The following MSRA variants were observed in gnomAD, a reference collection of about 807,000 sequenced individuals.
MSRA encodes the protein mitochondrial peptide methionine sulfoxide reductase.
MSRA carries 54 observed loss-of-function variants against 31.3 expected under a neutral mutation model. The observed-to-expected ratio is 1.73, with a 90% CI of 1.39 to 2.17. The LOEUF is 2.17. MSRA is among the 30% of genes most tolerant of loss of function. The pLI, the probability that MSRA is intolerant of heterozygous loss-of-function variation, is 0.00. For missense variants in MSRA, 507 were observed against 300.9 expected, an observed-to-expected ratio of 1.69 and a Z score of -5.07; for synonymous variants, 169 against 116.5, an observed-to-expected ratio of 1.45 and a Z score of -2.90.
chr8:10,225,646 CTTCT>C (rs1810933980), intron 2 of MSRA, among the ~76,000 whole-genome samples: 1 of 152,182 alleles, frequency 6.6e-6, no homozygotes, highest in Non-Finnish European at 1.5e-5. Context: ...CTTCTGAAAA[CTTCT>C]TTGGGCTTTA....
At chr8:10,183,111 C>G (rs1372230236) in intron 1 of MSRA, among the ~76,000 whole-genome samples, 3 of 152,156 alleles carry the variant, frequency 2.0e-5, no homozygotes, top group African/African-American at 7.2e-5. Flanking sequence ...CATGTTATAG[C>G]TTAGTTTATC....
At chr8:10,420,997 C>T (rs879267982) in intron 5 of MSRA, among the ~76,000 whole-genome samples, 1 of 151,948 alleles carries the variant, frequency 6.6e-6, no homozygotes, top group South Asian at 2.1e-4. Context: ...ACCCTGTCTC[C>T]AAAAACAAAC....
chr8:10,352,452 G>A (rs1449155589), intron 5 of MSRA, among the ~76,000 whole-genome samples: 1 of 152,128 alleles, frequency 6.6e-6, no homozygotes, highest in Non-Finnish European at 1.5e-5. Context: ...GAGGAGGCAG[G>A]GAGGGCAGAA....
chr8:10,128,568 C>G (rs1476771731), intron 1 of MSRA, among the ~76,000 whole-genome samples: 1 of 152,084 alleles, frequency 6.6e-6, no homozygotes, highest in East Asian at 1.9e-4. Flanking sequence ...TGTAGGCTCA[C>G]TAGTAGCCCA....
At chr8:10,122,742 T>A (rs1225324350) in intron 1 of MSRA, among the ~76,000 whole-genome samples, 1 of 152,174 alleles carries the variant, frequency 6.6e-6, no homozygotes, top group African/African-American at 2.4e-5. Context: ...TGTGTCCATG[T>A]GTTCACATCA....
At chr8:10,179,560 T>C (rs779602498) in intron 1 of MSRA, among the ~76,000 whole-genome samples, 2 of 152,250 alleles carry the variant, frequency 1.3e-5, no homozygotes, top group Non-Finnish European at 2.9e-5. Flanking sequence ...TTCTCCCTAA[T>C]GTCTGGCAAG....
chr8:10,058,670 CT>C (rs1185807022), intron 1 of MSRA, among the ~76,000 whole-genome samples: 2 of 152,216 alleles, frequency 1.3e-5, no homozygotes, highest in African/African-American at 4.8e-5. Context: ...CCATTTTAGG[CT>C]TAATGAAGAA....
chr8:10,088,157 T>C (rs73528908), intron 1 of MSRA, among the ~76,000 whole-genome samples: 7,396 of 152,276 alleles, frequency 0.049, 258 homozygotes, highest in South Asian at 0.11. Flanking sequence ...AAGAGACTTC[T>C]GTTAAGTCTG....
At chr8:10,247,329 CA>C (rs1293327228) in intron 3 of MSRA, among the ~76,000 whole-genome samples, 1 of 152,162 alleles carries the variant, frequency 6.6e-6, no homozygotes, top group African/African-American at 2.4e-5. Context: ...GCTCTCAGCT[CA>C]AAGTCTATGC....
chr8:10,227,919 G>A (rs1488623408), intron 2 of MSRA, among the ~76,000 whole-genome samples: 1 of 152,158 alleles, frequency 6.6e-6, no homozygotes, highest in Non-Finnish European at 1.5e-5. Flanking sequence ...GAAAAGTAAA[G>A]AGCACAGAAG....
intron 4 of MSRA, among the ~76,000 whole-genome samples, chr8:10,318,446 C>A (rs918316132): frequency 1.3e-5 from 2 of 152,138 alleles, no homozygotes; most frequent in African/African-American, 4.8e-5. Flanking sequence ...TCTGTAGCCT[C>A]TAGAGTGTGG....
chr8:10,175,572 C>G (rs1043420159), intron 1 of MSRA, among the ~76,000 whole-genome samples: 1 of 152,196 alleles, frequency 6.6e-6, no homozygotes, highest in African/African-American at 2.4e-5. Context: ...GTTAAAATGA[C>G]TATCTTGAAT....
intron 3 of MSRA, among the ~76,000 whole-genome samples, chr8:10,289,910 T>A (rs1800141600): frequency 6.6e-6 from 1 of 152,224 alleles, no homozygotes; most frequent in Non-Finnish European, 1.5e-5. Flanking sequence ...TGATCATTAT[T>A]AGTATATGGA....
intron 5 of MSRA, among the ~76,000 whole-genome samples, chr8:10,369,988 G>A (rs1009670670): frequency 6.6e-6 from 1 of 152,196 alleles, no homozygotes; most frequent in Non-Finnish European, 1.5e-5. Context: ...CACTTGGCAT[G>A]CATGTTCTGT....
chr8:10,125,971 G>A (rs1415188149), intron 1 of MSRA, among the ~76,000 whole-genome samples: 1 of 152,154 alleles, frequency 6.6e-6, no homozygotes, highest in East Asian at 1.9e-4. Context: ...ATTAATCAAA[G>A]GCACCGAATG....
chr8:10,374,485 C>T (rs1399035249), intron 5 of MSRA, among the ~76,000 whole-genome samples: 1 of 152,136 alleles, frequency 6.6e-6, no homozygotes, highest in African/African-American at 2.4e-5. Context: ...TCTTATGAGT[C>T]CAGTATTGCA....
intron 5 of MSRA, among the ~76,000 whole-genome samples, chr8:10,416,025 C>T (rs1380818394): frequency 6.6e-6 from 1 of 152,104 alleles, no homozygotes; most frequent in East Asian, 1.9e-4. Context: ...GGGTGGGGGA[C>T]AGGAGTCCTC....
chr8:10,184,928 G>A (rs1225305781), intron 1 of MSRA, among the ~76,000 whole-genome samples: 1 of 152,188 alleles, frequency 6.6e-6, no homozygotes, highest in Admixed American at 6.5e-5. Flanking sequence ...GTGAACAAAG[G>A]GAGAGAAAGT....
intron 1 of MSRA, among the ~76,000 whole-genome samples, chr8:10,129,819 GTGTC>G (rs749761731): frequency 1.3e-5 from 2 of 150,518 alleles, no homozygotes; most frequent in Non-Finnish European, 2.9e-5. Context: ...TGCAAACTCT[GTGTC>G]TGGCTTGCAC....
Sources: allele counts gnomAD v4.1 joint callset (sites outside exome capture counted in the v4.1 genomes callset), GRCh38; gene constraint gnomAD v4.1.1; transcripts MANE v1.5; gene names NCBI Gene and HGNC (gene_info 2026-07-23, HGNC 2026-07-21).